RAP1GAP2: variants seen among roughly 807,000 people sequenced by gnomAD.
The protein encoded by RAP1GAP2 is RAP1 GTPase activating protein 2.
RAP1GAP2 carries 27 observed loss-of-function variants against 95.0 expected under a neutral mutation model. The observed-to-expected ratio is 0.28, with a 90% CI of 0.21 to 0.39. The LOEUF is 0.39. RAP1GAP2 is among the 10% of genes least tolerant of loss of function. The probability of loss-of-function intolerance (pLI) is 1.00; values close to 1 mark genes in which losing one functional copy is unlikely to be tolerated. For missense variants in RAP1GAP2, 771 were observed against 970.0 expected (o/e 0.79, Z 2.72); for synonymous variants, 373 against 380.9 (o/e 0.98, Z 0.24).
chr17:2,972,454 T>A (rs9900198), intron 8 of RAP1GAP2, among the ~76,000 whole-genome samples: 2 of 151,854 alleles, frequency 1.3e-5, no homozygotes, highest in African/African-American at 4.8e-5. Flanking sequence ...AAACCTGAAA[T>A]GAGCCTGGCC....
In RAP1GAP2 at chr17:2,827,962, G is replaced by C. The variant is rs534035057; in HGVS notation, c.80+27412G>C. Reference sequence around the variant, plus strand: ...ACTGCTCCGGCCAGCCCTTCCCTGTGGGGGAGCCACAAGAGGCCGTCCCTG... The same window carrying C: ...ACTGCTCCGGCCAGCCCTTCCCTGTCGGGGAGCCACAAGAGGCCGTCCCTG... On this transcript the variant is annotated intron_variant, in intron 2 of 24. Coordinates refer to ENST00000254695, the MANE Select transcript of RAP1GAP2 (RefSeq NM_015085.5). The surrounding 1 kb of genome is among the most constrained non-coding windows in gnomAD (Gnocchi z 4.1). Among the ~76,000 whole-genome samples the C allele has an allele frequency of 3.2e-4, 49 of 152,332 alleles. No homozygotes were observed. The highest frequency in any genetic ancestry group is 5.4e-4 in the Non-Finnish European group (37 of 68,030).
intron 2 of RAP1GAP2, among the ~76,000 whole-genome samples, chr17:2,899,447 G>A (rs1215670070): frequency 1.3e-5 from 2 of 151,790 alleles, no homozygotes; most frequent in African/African-American, 2.4e-5. Flanking sequence ...TCCTGACCTC[G>A]TGATCCGCCT....
intron 2 of RAP1GAP2, among the ~76,000 whole-genome samples, chr17:2,821,954 G>A (rs1374315038): frequency 1.3e-5 from 2 of 152,134 alleles, no homozygotes; most frequent in African/African-American, 4.8e-5. Flanking sequence ...CTGCAGAAAC[G>A]TCCCTGGACC....
chr17:3,017,410 T>G (rs529746695), intron 17 of RAP1GAP2, among the ~76,000 whole-genome samples: 47 of 152,190 alleles, frequency 3.1e-4, no homozygotes, highest in African/African-American at 1.1e-3. Flanking sequence ...AAGGCGGATC[T>G]GAAGCCCCTG....
In RAP1GAP2 at chr17:2,984,816, C is replaced by T. The variant is rs191247908; in HGVS notation, c.730-167C>T. ...AAGCTAGCTGACTTTGGAGCTGCGG[C>T]CTGACTGTCTACTTATTATTTCTCT... On this transcript the variant is annotated intron_variant, in intron 10 of 24. Transcript: ENST00000254695. Among the ~76,000 whole-genome samples, 25 of 152,192 alleles carry T rather than the reference C, an allele frequency of 1.6e-4. No individual in the cohort carries two copies. In the East Asian group the frequency reaches 4.1e-3, roughly 25 times the overall value.
chr17:2,769,445 C>T (rs1334549422), intron 1 of RAP1GAP2, among the ~76,000 whole-genome samples: 1 of 151,102 alleles, frequency 6.6e-6, no homozygotes, highest in Non-Finnish European at 1.5e-5. Flanking sequence ...GTCCCAGCTA[C>T]TCGGGAGGCT....
rs969183516 is a variant in RAP1GAP2, at chr17:3,005,701, G to A, written c.1273-254G>A. ...AAGACGGGCTTTTATGTTGAGCCCC[G>A]GTCAAGGAGCCTTGGGCAGGAATGA... is the stretch of plus-strand genomic sequence containing the variant. On this transcript the variant is annotated intron_variant, in intron 15 of 24. Coordinates refer to ENST00000254695, the MANE Select transcript of RAP1GAP2 (RefSeq NM_015085.5). This position sits in a 1 kb window ranked among gnomAD's most constrained non-coding sequence, Gnocchi z 5.2. 3.9e-5 allele frequency among the ~76,000 whole-genome samples: 6 copies of A among 152,148 alleles called. No individual in the cohort carries two copies. The highest frequency in any genetic ancestry group is 1.3e-4 in the Admixed American group (2 of 15,274).
chr17:2,859,330 C>T (rs889764733), intron 2 of RAP1GAP2, among the ~76,000 whole-genome samples: 6 of 151,912 alleles, frequency 3.9e-5, no homozygotes, highest in African/African-American at 1.5e-4. Flanking sequence ...AGGCTGGTCT[C>T]GAACTCCTGG....
chr17:2,800,855 CTT>C (rs869143308), intron 2 of RAP1GAP2, among the ~76,000 whole-genome samples: 23 of 51,600 alleles, frequency 4.5e-4, no homozygotes, highest in African/African-American at 1.3e-3. Flanking sequence ...TTCTTTCTTT[CTT>C]TTTTTTTTTT....
intron 3 of RAP1GAP2, among the ~76,000 whole-genome samples, chr17:2,943,929 C>A (rs1243255591): frequency 6.6e-6 from 1 of 151,982 alleles, no homozygotes; most frequent in African/African-American, 2.4e-5. Flanking sequence ...GAGGGCGGAC[C>A]ATGAGGTCAG....
At chr17:2,916,239 T>C (rs1381373323) in intron 3 of RAP1GAP2, among the ~76,000 whole-genome samples, 1 of 152,196 alleles carries the variant, frequency 6.6e-6, no homozygotes, top group African/African-American at 2.4e-5. Context: ...ATGGTGTTTC[T>C]CTGCATCAGG....
chr17:3,004,456 C>T lies in RAP1GAP2; in HGVS notation c.1201-913C>T, dbSNP rs1251101858. ...TGGCAGCACGCCAGGGCTGGGCTCA[C>T]GTCAGCGGCTGTGTAGGGAAGGGAG... On this transcript the variant is annotated intron_variant, in intron 14 of 24. Transcript: ENST00000254695. The surrounding 1 kb of genome is among the most constrained non-coding windows in gnomAD (Gnocchi z 4.1). Among the ~76,000 whole-genome samples, 3 of 152,354 alleles carry T rather than the reference C, an allele frequency of 2.0e-5. No homozygotes were observed. Among genetic ancestry groups the T allele is most frequent in the Admixed American group, 6.5e-5 (1 of 15,310 alleles).
upstream of RAP1GAP2, among the ~76,000 whole-genome samples, chr17:2,776,036 G>A (rs547509998): frequency 1.1e-4 from 16 of 152,286 alleles, no homozygotes; most frequent in Admixed American, 1.0e-3. Flanking sequence ...AAAAGTAGCC[G>A]GGTATGGTGG....
intron 1 of RAP1GAP2, among the ~76,000 whole-genome samples, chr17:2,767,840 C>A (rs1479246879): frequency 6.6e-6 from 1 of 151,314 alleles, no homozygotes; most frequent in Non-Finnish European, 1.5e-5. Flanking sequence ...TCACGCTATT[C>A]TCCTGCCTCA....
At chr17:2,931,038 C>T (rs1187579032) in intron 3 of RAP1GAP2, among the ~76,000 whole-genome samples, 2 of 145,878 alleles carry the variant, frequency 1.4e-5, no homozygotes, top group Admixed American at 7.2e-5. Flanking sequence ...AGGAGAATCG[C>T]TTGAACCTGG....
chr17:2,973,359 T>A (rs2044954379), intron 8 of RAP1GAP2, among the ~76,000 whole-genome samples: 1 of 151,894 alleles, frequency 6.6e-6, no homozygotes, highest in Non-Finnish European at 1.5e-5. Flanking sequence ...CTACTAAAAA[T>A]ACAAAAACTA....
intron 3 of RAP1GAP2, among the ~76,000 whole-genome samples, chr17:2,945,785 CTTTAT>C (rs1023340899): frequency 2.7e-5 from 4 of 146,972 alleles, no homozygotes; most frequent in Non-Finnish European, 4.5e-5. Context: ...CTTTTTTTTT[CTTTAT>C]TTTATTATTA....
chr17:3,032,058 C>G (rs977714925), intron 23 of RAP1GAP2, among the ~76,000 whole-genome samples: 1 of 147,074 alleles, frequency 6.8e-6, no homozygotes, highest in Non-Finnish European at 1.5e-5. Context: ...TCTTGGGTCC[C>G]GAATCCCTTC....
At chr17:3,023,819 C>T (rs9898095) in intron 19 of RAP1GAP2, among the ~76,000 whole-genome samples, 2,298 of 152,056 alleles carry the variant, frequency 0.015, 59 homozygotes, top group East Asian at 0.048. Flanking sequence ...CCCAACCCCC[C>T]GACAGGCCCT....
Sources: gnomAD v4.1 joint callset for allele counts (sites outside exome capture counted in the v4.1 genomes callset) on GRCh38, gnomAD v4.1.1 for gene constraint, Gnocchi (gnomAD v3.1) non-coding constraint, MANE v1.5 for transcripts, NCBI Gene and HGNC (gene_info 2026-07-23, HGNC 2026-07-21) for gene names.